The following CDH4 variants were observed in gnomAD, a reference collection of about 807,000 sequenced individuals.
CDH4 encodes the protein cadherin-4.
CDH4 carries 33 observed loss-of-function variants against 86.0 expected under a neutral mutation model. The ratio of observed to expected loss-of-function variants is 0.38; its 90% confidence interval spans 0.29 to 0.51. CDH4 has a LOEUF of 0.51. Among genes scored for constraint, CDH4 ranks in the 20% least tolerant of loss-of-function variants. CDH4 has a pLI of 0.86. For synonymous variants in CDH4, 555 were observed against 549.4 expected, an observed-to-expected ratio of 1.01 and a Z score of -0.14; for missense variants, 1,114 against 1,307.4, an observed-to-expected ratio of 0.85 and a Z score of 2.28.
chr20:61,909,229 G>A (rs898478249), intron 8 of CDH4, among the ~76,000 whole-genome samples: 8 of 152,190 alleles, frequency 5.3e-5, no homozygotes, highest in Admixed American at 1.3e-4. Context: ...ATGCTCCAGC[G>A]CCCGTCCTGG....
At chr20:61,522,819 T>C (rs1047764178) in intron 2 of CDH4, among the ~76,000 whole-genome samples, 22 of 152,246 alleles carry the variant, frequency 1.4e-4, no homozygotes, top group African/African-American at 4.8e-4. Flanking sequence ...CCTTCGGTTT[T>C]TTATTTTTGA....
chr20:61,319,546 C>T (rs1264364208), intron 2 of CDH4, among the ~76,000 whole-genome samples: 1 of 152,094 alleles, frequency 6.6e-6, no homozygotes, highest in Admixed American at 6.5e-5. Flanking sequence ...TGGATAAATA[C>T]CCAGAAGTGG....
At chr20:61,547,935 G>C (rs1286632799) in intron 2 of CDH4, among the ~76,000 whole-genome samples, 1 of 152,238 alleles carries the variant, frequency 6.6e-6, no homozygotes, top group Non-Finnish European at 1.5e-5. Context: ...GTAAGCTTTA[G>C]ATAACAGCGT....
intron 11 of CDH4, among the ~76,000 whole-genome samples, chr20:61,925,487 C>T (rs776439660): frequency 2.6e-5 from 4 of 152,180 alleles, no homozygotes; most frequent in African/African-American, 4.8e-5. Context: ...GAGGAAGGGC[C>T]TGGCTCAGAG....
At chr20:61,808,087 C>G (rs1370584002) in intron 4 of CDH4, among the ~76,000 whole-genome samples, 1 of 152,088 alleles carries the variant, frequency 6.6e-6, no homozygotes, top group Non-Finnish European at 1.5e-5. Context: ...CCCTGCCACA[C>G]AGAAGCAGCA....
chr20:61,548,661 C>T (rs541220613), intron 2 of CDH4, among the ~76,000 whole-genome samples: 1 of 152,152 alleles, frequency 6.6e-6, no homozygotes, highest in Admixed American at 6.5e-5. Flanking sequence ...TAAAAGCACC[C>T]ATTTTTAAGT....
At chr20:61,659,205 G>T (rs1287416751) in intron 2 of CDH4, among the ~76,000 whole-genome samples, 1 of 152,196 alleles carries the variant, frequency 6.6e-6, no homozygotes, top group African/African-American at 2.4e-5. Context: ...CGTGACACTC[G>T]TGGGGGTTTG....
intron 2 of CDH4, among the ~76,000 whole-genome samples, chr20:61,707,844 C>A (rs112721459): frequency 0.014 from 2,186 of 152,284 alleles, 39 homozygotes; most frequent in African/African-American, 0.049. Flanking sequence ...GCTAATCTGA[C>A]AGGAGGCGGA....
intron 2 of CDH4, among the ~76,000 whole-genome samples, chr20:61,590,876 T>TG (rs71185923): frequency 0.049 from 6,728 of 137,508 alleles, 524 homozygotes; most frequent in African/African-American, 0.13. Flanking sequence ...CCTAAATCTA[T>TG]GGGGGGGGGG....
chr20:61,421,222 C>T (rs759298471), intron 2 of CDH4, among the ~76,000 whole-genome samples: 22 of 152,172 alleles, frequency 1.4e-4, no homozygotes, highest in African/African-American at 4.3e-4. Flanking sequence ...TGCATGGCAG[C>T]GTGCATTTGT....
intron 2 of CDH4, among the ~76,000 whole-genome samples, chr20:61,547,944 G>A (rs892139007): frequency 6.6e-6 from 1 of 152,348 alleles, no homozygotes; most frequent in South Asian, 2.1e-4. Flanking sequence ...AGATAACAGC[G>A]TGAAATAAAT....
intron 4 of CDH4, among the ~76,000 whole-genome samples, chr20:61,827,868 T>C (rs1600692475): frequency 6.6e-6 from 1 of 152,322 alleles, no homozygotes; most frequent in Non-Finnish European, 1.5e-5. Flanking sequence ...AGTTTCTCAG[T>C]GTAGCAATTG....
chr20:61,460,194 A>G (rs1291328953), intron 2 of CDH4, among the ~76,000 whole-genome samples: 1 of 152,180 alleles, frequency 6.6e-6, no homozygotes, highest in Non-Finnish European at 1.5e-5. Flanking sequence ...GCACATAATA[A>G]ACACTGAATA....
intron 7 of CDH4, among the ~76,000 whole-genome samples, chr20:61,885,482 T>C (rs1447893734): frequency 1.3e-5 from 2 of 152,270 alleles, no homozygotes; most frequent in African/African-American, 4.8e-5. Flanking sequence ...TCTTAATGGC[T>C]GAATAATATT....
At chr20:61,586,362 C>T (rs949051666) in intron 2 of CDH4, among the ~76,000 whole-genome samples, 2 of 152,174 alleles carry the variant, frequency 1.3e-5, no homozygotes, top group Non-Finnish European at 1.5e-5. Context: ...CAGCACAGTT[C>T]CAAGCTCTTT....
chr20:61,652,319 A>C (rs2087130054), intron 2 of CDH4, among the ~76,000 whole-genome samples: 1 of 149,726 alleles, frequency 6.7e-6, no homozygotes, highest in African/African-American at 2.4e-5. Context: ...GGTTTCGCTT[A>C]TTGCAGTGGG....
chr20:61,330,059 T>C (rs998948101), intron 2 of CDH4, among the ~76,000 whole-genome samples: 3 of 152,220 alleles, frequency 2.0e-5, no homozygotes, highest in Non-Finnish European at 4.4e-5. Context: ...GGTGTATATG[T>C]ACCACATTTT....
chr20:61,668,486 C>A (rs568472658), intron 2 of CDH4, among the ~76,000 whole-genome samples: 1 of 152,206 alleles, frequency 6.6e-6, no homozygotes, highest in Non-Finnish European at 1.5e-5. Flanking sequence ...TGGAGGCTGT[C>A]GTGGGGCGTG....
chr20:61,277,159 T>A (rs1464971225), intron 2 of CDH4, among the ~76,000 whole-genome samples: 1 of 152,222 alleles, frequency 6.6e-6, no homozygotes, highest in African/African-American at 2.4e-5. Context: ...GGCTTGCCAT[T>A]TCCCCTGTGG....
Sources: gnomAD v4.1 joint callset for allele counts (sites outside exome capture counted in the v4.1 genomes callset) on GRCh38, gnomAD v4.1.1 for gene constraint, MANE v1.5 for transcripts, NCBI Gene and HGNC (gene_info 2026-07-23, HGNC 2026-07-21) for gene names.